The following DOCK3 variants were observed in gnomAD, a reference collection of about 807,000 sequenced individuals.
DOCK3 encodes the protein dedicator of cytokinesis protein 3.
Under a neutral mutation model 265.6 loss-of-function variants are expected in DOCK3, and 60 were observed. The observed-to-expected ratio is 0.23, with a 90% confidence interval of 0.18 to 0.28. The LOEUF (loss-of-function observed/expected upper bound fraction) is 0.28, where lower values mean the gene tolerates loss of function less well. Among genes scored for constraint, DOCK3 ranks in the 10% least tolerant of loss-of-function variants. The pLI, the probability that DOCK3 is intolerant of heterozygous loss-of-function variation, is 1.00. For missense variants in DOCK3, 1,981 were observed against 2,594.3 expected (o/e 0.76, Z 5.14); for synonymous variants, 881 against 938.0 (o/e 0.94, Z 1.11).
intron 35 of DOCK3, among the ~76,000 whole-genome samples, chr3:51,337,909 T>C (rs1486423523): frequency 1.3e-5 from 2 of 152,156 alleles, no homozygotes; most frequent in Admixed American, 1.3e-4. Flanking sequence ...AACTAGGTGG[T>C]GAACATGTAC....
intron 1 of DOCK3, among the ~76,000 whole-genome samples, chr3:50,776,002 T>A (rs892330495): frequency 2.0e-5 from 3 of 152,166 alleles, no homozygotes; most frequent in African/African-American, 7.2e-5. Flanking sequence ...CGCATTTAGG[T>A]TGGTTCTGTG....
At chr3:50,981,113 C>G (rs1017975444) in intron 5 of DOCK3, among the ~76,000 whole-genome samples, 1 of 152,172 alleles carries the variant, frequency 6.6e-6, no homozygotes, top group African/African-American at 2.4e-5. Flanking sequence ...CCTCTTAGCA[C>G]AGCTTTTGCT....
chr3:51,288,903 GGTGTGTGTGTGTGT>G (rs146598674), intron 27 of DOCK3, among the ~76,000 whole-genome samples: 1 of 144,176 alleles, frequency 6.9e-6, no homozygotes, highest in Non-Finnish European at 1.5e-5. Flanking sequence ...TGTGTGTGTG[GGTGTGTGTGTGTGT>G]GTGTGTGTGC....
chr3:51,059,653 A>G (rs1221528102), intron 5 of DOCK3, among the ~76,000 whole-genome samples: 2 of 151,606 alleles, frequency 1.3e-5, no homozygotes, highest in African/African-American at 2.4e-5. Context: ...CACTCTATTC[A>G]CTCCCAGCTG....
intron 3 of DOCK3, among the ~76,000 whole-genome samples, chr3:50,886,540 C>T (rs1487480471): frequency 6.7e-6 from 1 of 148,304 alleles, no homozygotes; most frequent in Non-Finnish European, 1.5e-5. Context: ...GTATATCTCC[C>T]AATGCTATCC....
intron 15 of DOCK3, 32 bp from the exon 16 acceptor site, chr3:51,227,251 A>T: frequency 6.2e-7 from 1 of 1,607,568 alleles, no homozygotes; most frequent in South Asian, 1.1e-5. Context: ...CCTACCAGGA[A>T]GATGACATCT....
At chr3:51,191,221 T>G (rs1258384738) in intron 12 of DOCK3, among the ~76,000 whole-genome samples, 4 of 152,078 alleles carry the variant, frequency 2.6e-5, no homozygotes, top group Non-Finnish European at 5.9e-5. Context: ...GCTCCTGCAC[T>G]CCTAGCTACA....
chr3:51,348,018 A>T (rs1289807675), intron 38 of DOCK3, among the ~76,000 whole-genome samples: 1 of 152,208 alleles, frequency 6.6e-6, no homozygotes, highest in Non-Finnish European at 1.5e-5. Context: ...GAAGTTGCTT[A>T]TCAGCTTAAG....
chr3:50,769,403 A>C (rs1024270150), intron 1 of DOCK3, among the ~76,000 whole-genome samples: 2 of 152,200 alleles, frequency 1.3e-5, no homozygotes, highest in African/African-American at 4.8e-5. Context: ...TAAAGTCCAT[A>C]TATGACAAAC....
intron 22 of DOCK3, among the ~76,000 whole-genome samples, chr3:51,259,502 C>T (rs2079738081): frequency 6.6e-6 from 1 of 152,136 alleles, no homozygotes; most frequent in South Asian, 2.1e-4. Context: ...GAATCAGATT[C>T]TGCTCCCAAA....
chr3:51,381,688 C>A lies in DOCK3; in HGVS notation c.*129C>A. The A allele has an allele frequency of 7.7e-7, 1 of 1,294,746 alleles. No individual in the cohort carries two copies. The highest frequency in any genetic ancestry group is 1.0e-6 in the Non-Finnish European group (1 of 976,404). 80.2% of individuals were successfully genotyped at this position (1,294,746 alleles called of 1,614,324 possible). ...CTTGCACTCAGGAGAGAACCACCCCCAAGTCTCCGTTCTACTGCCGTGAAC... is the reference window on the plus strand; with the variant it reads ...CTTGCACTCAGGAGAGAACCACCCCAAAGTCTCCGTTCTACTGCCGTGAAC... On this transcript the variant is annotated 3_prime_UTR_variant, in exon 53 of 53. Transcript: ENST00000266037. This position sits in a 1 kb window ranked among gnomAD's most constrained non-coding sequence, Gnocchi z 5.6.
chr3:50,826,175 CT>C (rs879517047), intron 2 of DOCK3, among the ~76,000 whole-genome samples: 278 of 145,510 alleles, frequency 1.9e-3, no homozygotes, highest in Middle Eastern at 3.5e-3. Context: ...GTTGCTAAGC[CT>C]TTTTTTTTTT....
chr3:51,157,447 T>G (rs747626250), intron 10 of DOCK3, among the ~76,000 whole-genome samples: 1 of 152,162 alleles, frequency 6.6e-6, no homozygotes, highest in East Asian at 1.9e-4. Context: ...GGTTTCACCA[T>G]GTTGGCCAGG....
intron 14 of DOCK3, among the ~76,000 whole-genome samples, chr3:51,222,299 TGGTAG>T (rs1196203334): frequency 5.3e-5 from 8 of 152,192 alleles, no homozygotes; most frequent in Middle Eastern, 3.2e-3. Context: ...ATGATCCCAC[TGGTAG>T]GTTTTGTGAA....
intron 1 of DOCK3, among the ~76,000 whole-genome samples, chr3:50,691,098 C>T (rs974194644): frequency 6.6e-5 from 10 of 151,446 alleles, no homozygotes; most frequent in Non-Finnish European, 1.0e-4. Flanking sequence ...CTGGCTAACA[C>T]GGTGAAACCT....
At chr3:51,370,268 G>GT (rs1325713182) in intron 49 of DOCK3, among the ~76,000 whole-genome samples, 1 of 152,122 alleles carries the variant, frequency 6.6e-6, no homozygotes, top group Non-Finnish European at 1.5e-5. Context: ...TTCTGGTTTT[G>GT]TTTTTTTCCC....
chr3:50,873,703 C>T (rs975040560), intron 3 of DOCK3, among the ~76,000 whole-genome samples: 1 of 152,190 alleles, frequency 6.6e-6, no homozygotes, highest in Non-Finnish European at 1.5e-5. Flanking sequence ...GTGAGACTTT[C>T]AGGAACTCAA....
chr3:50,717,145 A>C (rs182550358), intron 1 of DOCK3, among the ~76,000 whole-genome samples: 161 of 152,304 alleles, frequency 1.1e-3, no homozygotes, highest in African/African-American at 3.8e-3. Context: ...CCAGTTCTCT[A>C]TTAATGGATA....
At chr3:50,985,998 A>AT (rs998259664) in intron 5 of DOCK3, among the ~76,000 whole-genome samples, 2 of 151,868 alleles carry the variant, frequency 1.3e-5, no homozygotes, top group Admixed American at 1.3e-4. Context: ...CCTTGTGCTT[A>AT]TTTTTTATTA....
Sources: allele counts gnomAD v4.1 joint callset (sites outside exome capture counted in the v4.1 genomes callset), GRCh38; gene constraint gnomAD v4.1.1; non-coding constraint Gnocchi (gnomAD v3.1); transcripts MANE v1.5; gene names NCBI Gene and HGNC (gene_info 2026-07-23, HGNC 2026-07-21).